Variants in LCORL observed in about 807,000 individuals in gnomAD.
LCORL encodes the protein ligand dependent nuclear receptor corepressor like, also known as ligand-dependent nuclear receptor corepressor-like protein.
A neutral mutation model predicts 141.8 loss-of-function variants in LCORL; 41 were observed. The observed-to-expected ratio is 0.29, with a 90% confidence interval of 0.23 to 0.38. LCORL has a LOEUF of 0.38. Ranked by LOEUF, LCORL falls within the 10% of genes least tolerant of loss-of-function variation. LCORL has a pLI of 1.00. For synonymous variants in LCORL, 618 were observed against 694.1 expected (o/e 0.89, Z 1.72); for missense variants, 1,759 against 2,035.0 (o/e 0.86, Z 2.61).
chr4:17,930,877 A>G (rs967101085), intron 4 of LCORL, among the ~76,000 whole-genome samples: 4 of 152,158 alleles, frequency 2.6e-5, no homozygotes, highest in Non-Finnish European at 5.9e-5. Context: ...GTCTTTTTCT[A>G]TGTTCTGGAA....
intron 2 of LCORL, among the ~76,000 whole-genome samples, chr4:17,967,701 C>T (rs894782321): frequency 2.6e-5 from 4 of 152,058 alleles, no homozygotes; most frequent in Admixed American, 1.3e-4. Context: ...GAATATTTAG[C>T]CTGTTTCTCC....
exon 7 of LCORL, chr4:17,874,438 G>A (rs1178062641): frequency 1.6e-6 from 2 of 1,233,676 alleles, no homozygotes. Flanking sequence ...ACTAGTGAAA[G>A]AGACTGTGTT....
At chr4:17,923,400 C>T (rs1431929508) in intron 4 of LCORL, among the ~76,000 whole-genome samples, 1 of 152,204 alleles carries the variant, frequency 6.6e-6, no homozygotes. Context: ...AATCCCAACA[C>T]TTTGGAAGGC....
intron 5 of LCORL, among the ~76,000 whole-genome samples, chr4:17,891,375 C>T (rs1443753608): frequency 6.6e-6 from 1 of 151,934 alleles, no homozygotes; most frequent in East Asian, 1.9e-4. Flanking sequence ...AACGATGTAG[C>T]CATATGTCTT....
exon 7 of LCORL, chr4:17,874,600 T>C (rs1198748635): frequency 2.4e-6 from 3 of 1,233,708 alleles, no homozygotes; most frequent in Admixed American, 4.2e-5. Flanking sequence ...TCTCTTTTTT[T>C]ATGAATACAA....
intron 1 of LCORL, among the ~76,000 whole-genome samples, chr4:18,014,762 G>A (rs954308519): frequency 6.6e-6 from 1 of 152,184 alleles, no homozygotes; most frequent in African/African-American, 2.4e-5. Context: ...GATGGCATTA[G>A]TTTGTTAATC....
At chr4:17,940,221 T>C (rs557942128) in intron 4 of LCORL, among the ~76,000 whole-genome samples, 1 of 148,150 alleles carries the variant, frequency 6.7e-6, no homozygotes, top group East Asian at 2.0e-4. Context: ...GATATATATG[T>C]ATATAAAATC....
chr4:17,853,295 GTGT>G (rs1723990534), intron 7 of LCORL, among the ~76,000 whole-genome samples: 1 of 152,060 alleles, frequency 6.6e-6, no homozygotes, highest in African/African-American at 2.4e-5. Context: ...TAGTGGACAA[GTGT>G]ATGGTTTATA....
rs1303797851 is a variant in LCORL at position 17,884,892 on chromosome 4, G to A, written c.776+1176C>T. ...TATGACACTTTTAAGTCTGTGAGAT[G>A]TAGTAGTTACTCCTTATCAAAGCAA... On this transcript the variant is annotated intron_variant, in intron 6 of 7. Transcript: ENST00000635767. The surrounding 1 kb of genome is among the most constrained non-coding windows in gnomAD (Gnocchi z 4.4). The A allele has an allele frequency of 4.4e-6, 2 of 457,074 alleles. No homozygotes were observed. The highest frequency in any genetic ancestry group is 7.6e-5 in the Admixed American group (2 of 26,184). 28.3% of individuals were successfully genotyped at this position (457,074 alleles called of 1,614,324 possible). A position where few individuals can be genotyped will look rare whatever the true frequency, so the allele number is the denominator to read the frequency against.
At chr4:17,898,531 T>C (rs1265507896) in intron 5 of LCORL, among the ~76,000 whole-genome samples, 1 of 152,158 alleles carries the variant, frequency 6.6e-6, no homozygotes, top group Non-Finnish European at 1.5e-5. Context: ...CGTTAGTTTT[T>C]GGCTTATCTT....
chr4:17,917,291 C>G (rs1211177695), intron 4 of LCORL, among the ~76,000 whole-genome samples: 1 of 152,178 alleles, frequency 6.6e-6, no homozygotes, highest in African/African-American at 2.4e-5. Flanking sequence ...CTCCTGGGTT[C>G]AAGTGATTCT....
exon 7 of LCORL, chr4:17,874,402 A>G (rs1726700449): frequency 8.1e-7 from 1 of 1,233,784 alleles, no homozygotes; most frequent in Non-Finnish European, 1.0e-6. Flanking sequence ...ATTACTTCCA[A>G]AGGGTTTCGG....
chr4:17,847,071 T>A (rs1414248436), intron 7 of LCORL, among the ~76,000 whole-genome samples: 1 of 152,212 alleles, frequency 6.6e-6, no homozygotes, highest in East Asian at 1.9e-4. Flanking sequence ...CACAGACACG[T>A]GACAGTCAAA....
In LCORL at chr4:17,855,651, T is replaced by C. The variant is rs1231559361; in HGVS notation, c.5603-9750A>G. 2.6e-5 allele frequency among the ~76,000 whole-genome samples: 4 copies of C among 152,212 alleles called. No homozygotes were observed. In the East Asian group the frequency reaches 5.8e-4, roughly 22 times the overall value. On this transcript the variant is annotated intron_variant, in intron 7 of 7. Coordinates refer to ENST00000635767, the Ensembl canonical transcript of LCORL. ...GCCAACAGGATCTTAGCAAATATGA[T>C]GGAAGCTGAAGCTTGAGAAAAATTG...
At chr4:17,880,498 A>G (rs1727421442) in intron 6 of LCORL, 1 of 945,860 alleles carries the variant, frequency 1.1e-6, no homozygotes, top group Admixed American at 6.2e-5. Context: ...CATTTTGCCC[A>G]CTAGAAACTT....
At chr4:17,953,899 C>A (rs1477781883) in intron 4 of LCORL, among the ~76,000 whole-genome samples, 3 of 152,182 alleles carry the variant, frequency 2.0e-5, no homozygotes, top group Non-Finnish European at 4.4e-5. Context: ...CGCGGTGGCT[C>A]ACGCCTGTAA....
At chr4:17,967,900 C>T (rs1466768979) in intron 2 of LCORL, among the ~76,000 whole-genome samples, 2 of 151,592 alleles carry the variant, frequency 1.3e-5, no homozygotes, top group Non-Finnish European at 2.9e-5. Flanking sequence ...CTCTGTTGCC[C>T]AGGCTGGAGT....
intron 1 of LCORL, among the ~76,000 whole-genome samples, chr4:18,013,244 C>T (rs1004682903): frequency 6.6e-6 from 1 of 152,176 alleles, no homozygotes; most frequent in African/African-American, 2.4e-5. Flanking sequence ...TTCTCTTCTT[C>T]TGCCCAAGGA....
chr4:17,984,308 T>C (rs868276561), intron 1 of LCORL, among the ~76,000 whole-genome samples: 1 of 152,184 alleles, frequency 6.6e-6, no homozygotes, highest in Non-Finnish European at 1.5e-5. Flanking sequence ...GGAGATCCTC[T>C]TCCTATATTT....
Sources: gnomAD v4.1 joint callset for allele counts (sites outside exome capture counted in the v4.1 genomes callset) on GRCh38, gnomAD v4.1.1 for gene constraint, Gnocchi (gnomAD v3.1) non-coding constraint, MANE v1.5 for transcripts, NCBI Gene and HGNC (gene_info 2026-07-23, HGNC 2026-07-21) for gene names.